Variants in SUPT3H observed in about 807,000 individuals in gnomAD.
SUPT3H encodes SPT3 homolog, SAGA and STAGA complex component, also known as transcription initiation protein SPT3 homolog.
Under a neutral mutation model 44.3 loss-of-function variants are expected in SUPT3H, and 44 were observed. The observed-to-expected ratio is 0.99, with a 90% CI of 0.78 to 1.28. The LOEUF (loss-of-function observed/expected upper bound fraction) is 1.28. Among genes scored for constraint, SUPT3H ranks in the 50% most tolerant of loss-of-function variants. The pLI is 0.00. For synonymous variants in SUPT3H, 124 were observed against 125.6 expected (o/e 0.99, Z 0.09); for missense variants, 380 against 387.1 (o/e 0.98, Z 0.15).
At position 45,334,449 on chromosome 6, in the gene SUPT3H, C is replaced by CAAAAAAA. The variant is rs551014969; in HGVS notation, c.101+30745_101+30751dup. Among the ~76,000 whole-genome samples, 373 of 91,222 alleles carry CAAAAAAA rather than the reference C, an allele frequency of 4.1e-3. 1 individual carries two copies. Among genetic ancestry groups the CAAAAAAA allele is most frequent in the Middle Eastern group, 8.3e-3 (1 of 120 alleles). 59.8% of individuals were successfully genotyped at this position (91,222 alleles called of 152,430 possible). On this transcript the variant is annotated intron_variant, in intron 2 of 10. Coordinates refer to ENST00000371459, the MANE Select transcript of SUPT3H (RefSeq NM_003599.4). ...CATCTATTTTGTGCTTCAGGAAAAG[C>CAAAAAAA]AAAAAAAAAAAAAAAAAAAAGACAA...
chr6:45,350,984 A>G (rs2024786), intron 2 of SUPT3H, among the ~76,000 whole-genome samples: 20,338 of 152,092 alleles, frequency 0.13, 1,574 homozygotes, highest in East Asian at 0.26. Context: ...CCTATAGTGA[A>G]CTGCACACGC....
intron 3 of SUPT3H, among the ~76,000 whole-genome samples, chr6:45,086,924 C>G (rs1449810091): frequency 1.3e-5 from 2 of 151,810 alleles, no homozygotes; most frequent in Non-Finnish European, 2.9e-5. Flanking sequence ...CCTGTTGTTT[C>G]CAATCAGGTG....
At chr6:45,131,328 A>C (rs1803436843) in intron 2 of SUPT3H, among the ~76,000 whole-genome samples, 1 of 152,204 alleles carries the variant, frequency 6.6e-6, no homozygotes, top group Non-Finnish European at 1.5e-5. Context: ...ATTCACAATC[A>C]CAGTCTACAA....
chr6:44,884,200 A>G (rs1225220345), intron 10 of SUPT3H, among the ~76,000 whole-genome samples: 1 of 152,236 alleles, frequency 6.6e-6, no homozygotes, highest in Non-Finnish European at 1.5e-5. Flanking sequence ...GGCGAAGGAT[A>G]TGAACAGATA....
At chr6:45,083,348 C>T (rs1796073110) in intron 3 of SUPT3H, among the ~76,000 whole-genome samples, 1 of 151,866 alleles carries the variant, frequency 6.6e-6, no homozygotes, top group Non-Finnish European at 1.5e-5. Flanking sequence ...CACGCCACCA[C>T]ACCCGGCTAA....
chr6:45,035,679 G>A (rs930566179), intron 3 of SUPT3H, among the ~76,000 whole-genome samples: 1 of 152,018 alleles, frequency 6.6e-6, no homozygotes, highest in Non-Finnish European at 1.5e-5. Flanking sequence ...ATCCAAAACC[G>A]TATTTATTTT....
At chr6:45,341,523 A>T (rs1271530730) in intron 2 of SUPT3H, among the ~76,000 whole-genome samples, 1 of 152,228 alleles carries the variant, frequency 6.6e-6, no homozygotes, top group African/African-American at 2.4e-5. Flanking sequence ...ACTACATTTT[A>T]AAAGGAAAAC....
chr6:45,081,025 T>C (rs1022579521), intron 3 of SUPT3H, among the ~76,000 whole-genome samples: 1 of 11,758 alleles, frequency 8.5e-5, no homozygotes, highest in Admixed American at 1.4e-3. Context: ...GAAAATCTCA[T>C]ATATCCCATA....
intron 2 of SUPT3H, among the ~76,000 whole-genome samples, chr6:45,272,955 T>G (rs1233059107): frequency 6.6e-6 from 1 of 152,196 alleles, no homozygotes; most frequent in East Asian, 1.9e-4. Flanking sequence ...TATTGTTCTT[T>G]GTCTTTAGGA....
At chr6:45,307,673 G>T (rs765506723) in intron 2 of SUPT3H, among the ~76,000 whole-genome samples, 10 of 152,178 alleles carry the variant, frequency 6.6e-5, no homozygotes, top group Admixed American at 2.6e-4. Flanking sequence ...TGGGGAAAAA[G>T]CAGAACAGAA....
chr6:44,915,230 C>A (rs913238942), intron 10 of SUPT3H, among the ~76,000 whole-genome samples: 26 of 152,150 alleles, frequency 1.7e-4, no homozygotes, highest in African/African-American at 6.0e-4. Context: ...TTTCTTTCCA[C>A]TGGGGAGAAA....
chr6:45,208,629 C>T (rs1055706137), intron 2 of SUPT3H, among the ~76,000 whole-genome samples: 2 of 150,662 alleles, frequency 1.3e-5, no homozygotes, highest in Admixed American at 6.7e-5. Context: ...GACGCTGAGA[C>T]AGGAGAATCG....
intron 3 of SUPT3H, among the ~76,000 whole-genome samples, chr6:45,039,656 T>C (rs898966020): frequency 6.6e-6 from 1 of 152,050 alleles, no homozygotes; most frequent in Non-Finnish European, 1.5e-5. Context: ...GTTGGGCTCC[T>C]GTATTCCCAG....
chr6:45,281,724 G>C (rs1276904889), intron 2 of SUPT3H, among the ~76,000 whole-genome samples: 1 of 152,136 alleles, frequency 6.6e-6, no homozygotes, highest in African/African-American at 2.4e-5. Flanking sequence ...GTCCCTGTCT[G>C]ACAGCTTTGA....
At chr6:45,203,164 G>A (rs1191846485) in intron 2 of SUPT3H, among the ~76,000 whole-genome samples, 1 of 152,140 alleles carries the variant, frequency 6.6e-6, no homozygotes, top group Non-Finnish European at 1.5e-5. Flanking sequence ...AGGGCATGGA[G>A]TAAATGGCGA....
intron 11 of SUPT3H, among the ~76,000 whole-genome samples, chr6:44,821,192 G>A (rs1309174712): frequency 2.6e-5 from 4 of 152,132 alleles, no homozygotes; most frequent in Admixed American, 2.0e-4. Context: ...CTTGAAGAAG[G>A]TAAGGTAGCC....
At chr6:45,304,781 T>C (rs920730629) in intron 2 of SUPT3H, among the ~76,000 whole-genome samples, 1 of 152,162 alleles carries the variant, frequency 6.6e-6, no homozygotes, top group Non-Finnish European at 1.5e-5. Flanking sequence ...AAAAATATCT[T>C]AGAAAATGCA....
intron 2 of SUPT3H, among the ~76,000 whole-genome samples, chr6:45,296,961 T>C (rs1191488461): frequency 1.5e-5 from 2 of 136,714 alleles, no homozygotes; most frequent in Non-Finnish European, 3.1e-5. Context: ...GGACTACAAA[T>C]GTATAGCGTA....
intron 2 of SUPT3H, among the ~76,000 whole-genome samples, chr6:45,357,844 T>G (rs1040874759): frequency 6.6e-6 from 1 of 152,080 alleles, no homozygotes; most frequent in African/African-American, 2.4e-5. Context: ...AATAATGAAG[T>G]GTAATACATT....
Sources: allele counts gnomAD v4.1 joint callset (sites outside exome capture counted in the v4.1 genomes callset), GRCh38; gene constraint gnomAD v4.1.1; transcripts MANE v1.5; gene names NCBI Gene and HGNC (gene_info 2026-07-23, HGNC 2026-07-21).